Variants in PACRGL observed in about 807,000 individuals in gnomAD.
PACRGL encodes PACRG-like protein.
In PACRGL, 38 loss-of-function variants were observed where a neutral mutation model predicts 34.5. That is an observed-to-expected ratio of 1.10 (90% CI 0.85 to 1.44). PACRGL has a LOEUF of 1.44. Among genes scored for constraint, PACRGL ranks in the 40% most tolerant of loss-of-function variants. The pLI, the probability that PACRGL is intolerant of heterozygous loss-of-function variation, is 0.00. For synonymous variants in PACRGL, 128 were observed against 100.1 expected, an observed-to-expected ratio of 1.28 and a Z score of -1.66; for missense variants, 305 against 281.4, an observed-to-expected ratio of 1.08 and a Z score of -0.60.
rs752030660 is a variant in PACRGL at position 20,712,919 on chromosome 4, T to G, written c.498T>G (p.Ala166=). ...GACTGATTCCTGTGCTAAAGGCAGCTCTGGTATGTCATTTATTTCATTGTA... is the reference window on the plus strand; with the variant it reads ...GACTGATTCCTGTGCTAAAGGCAGCGCTGGTATGTCATTTATTTCATTGTA... The part of the protein sequence containing the change: ...LPRLIPVLKA[A]LVHSDDEVFE... Residue 166 remains alanine (A), a synonymous_variant, in exon 6 of 9, where the codon GCT becomes GCG. Transcript: ENST00000503585. 8.3e-6 allele frequency: 13 copies of G among 1,558,448 alleles called. No homozygotes were observed. In the South Asian group the frequency reaches 1.5e-4, roughly 18 times the overall value.
chr4:20,705,000 G>A (rs553152721), intron 3 of PACRGL, among the ~76,000 whole-genome samples, 186 bp downstream of exon 3: 1 of 152,282 alleles, frequency 6.6e-6, no homozygotes, highest in East Asian at 1.9e-4. Flanking sequence ...GAGTATGGAG[G>A]TAAGGAGACA....
Position 20,725,126 on chromosome 4 carries a change from C to T in PACRGL, c.690+238C>T, listed in dbSNP as rs532620748. Among the ~76,000 whole-genome samples, 26 of 152,264 alleles carry T rather than the reference C, an allele frequency of 1.7e-4. No homozygotes were observed. The East Asian group carries it at 4.1e-3, about 24-fold the overall frequency. ...TAAATATAGGGCTTGTGTACACTTT[C>T]ACAGTGCTTAATGTGGCACTCAGTG... is the stretch of plus-strand genomic sequence containing the variant. On this transcript the variant is annotated intron_variant, in intron 8 of 8. Coordinates refer to ENST00000503585, the MANE Select transcript of PACRGL (RefSeq NM_001258345.3).
chr4:20,714,053 T>A (rs1277931078), intron 7 of PACRGL, among the ~76,000 whole-genome samples: 2 of 152,134 alleles, frequency 1.3e-5, no homozygotes, highest in Non-Finnish European at 2.9e-5. Flanking sequence ...TGGGTATCCT[T>A]GTTAACTTTC....
At position 20,730,561 on chromosome 4, in the gene PACRGL, T is replaced by C. The variant is rs1747820712; in HGVS notation, c.*3220T>C. On this transcript the variant is annotated 3_prime_UTR_variant, in exon 9 of 9. Transcript: ENST00000503585. The stretch of plus-strand genomic sequence containing the variant: ...TGTATGAGCCAGCAGTTCATGAAGA[T>C]TGGAGGCTGGCGCATAGGAGGCAGG... Among the ~76,000 whole-genome samples the C allele has an allele frequency of 6.6e-6, 1 of 151,944 alleles. No individual in the cohort carries two copies. Among genetic ancestry groups the C allele is most frequent in the Non-Finnish European group, 1.5e-5 (1 of 68,016 alleles).
chr4:20,767,225 A>G, the PACRGL span: 5 of 152,184 alleles, frequency 3.3e-5, no homozygotes, highest in African/African-American at 1.2e-4. Context: ...GTATATATGA[A>G]TTACGCTTTC....
chr4:20,731,152 A>G lies in PACRGL; in HGVS notation c.*3811A>G, dbSNP rs1748054685. Among the ~76,000 whole-genome samples the G allele has an allele frequency of 6.6e-6, 1 of 152,104 alleles. No individual in the cohort carries two copies. The highest frequency in any genetic ancestry group is 6.6e-5 in the Admixed American group (1 of 15,260). On this transcript the variant is annotated 3_prime_UTR_variant, in exon 9 of 9. Transcript: ENST00000503585. ...CATTCTGGAGTGCAGTGGCACAATC[A>G]TGGCTCAACAGGGATCAAGTGATCT...
chr4:20,718,008 T>C (rs1407571190), intron 7 of PACRGL, among the ~76,000 whole-genome samples: 8 of 152,072 alleles, frequency 5.3e-5, no homozygotes, highest in South Asian at 2.1e-4. Context: ...TCTTTTATTT[T>C]GTTGAGCAGT....
chr4:20,699,453 T>C (rs1171868066), upstream of PACRGL, among the ~76,000 whole-genome samples: 1 of 152,162 alleles, frequency 6.6e-6, no homozygotes, highest in Non-Finnish European at 1.5e-5. Flanking sequence ...TCAGAAGACA[T>C]TAGTTGAATA....
chr4:20,759,423 T>G, the PACRGL span, among the ~76,000 whole-genome samples: 1 of 152,146 alleles, frequency 6.6e-6, no homozygotes, highest in East Asian at 1.9e-4. Context: ...CAAGTGACCT[T>G]GGGTGAGATA....
chr4:20,748,560 TTATATATATATATATATATATATA>T (rs3075750), intron 8 of PACRGL, among the ~76,000 whole-genome samples: 29 of 64,908 alleles, frequency 4.5e-4, no homozygotes, highest in African/African-American at 1.6e-3. Flanking sequence ...CTTCCAAATT[TTATATATATATATATATATATATA>T]TATATATATA....
intron 8 of PACRGL, among the ~76,000 whole-genome samples, chr4:20,739,448 A>G (rs1750523191): frequency 6.6e-6 from 1 of 152,206 alleles, no homozygotes; most frequent in African/African-American, 2.4e-5. Flanking sequence ...TAACCAGGCA[A>G]ACAGGGTCTG....
chr4:20,696,876 G>A (rs1731265547), upstream of PACRGL, among the ~76,000 whole-genome samples: 2 of 152,180 alleles, frequency 1.3e-5, no homozygotes, highest in African/African-American at 4.8e-5. Context: ...TAACAAGAAT[G>A]TAAAATATCA....
chr4:20,733,794 A>G (rs925923958), downstream of PACRGL, among the ~76,000 whole-genome samples: 1 of 152,184 alleles, frequency 6.6e-6, no homozygotes, highest in African/African-American at 2.4e-5. Flanking sequence ...CCCACTAGTG[A>G]TACCTATTCT....
chr4:20,753,906 G>GTTCATTCATTCA (rs3835144), downstream of PACRGL, among the ~76,000 whole-genome samples: 418 of 151,302 alleles, frequency 2.8e-3, 2 homozygotes, highest in East Asian at 4.3e-3. Context: ...GAGCTCATTT[G>GTTCATTCATTCA]TTCATTCATT....
intron 7 of PACRGL, among the ~76,000 whole-genome samples, chr4:20,720,259 C>G (rs1409761339): frequency 6.6e-6 from 1 of 152,146 alleles, no homozygotes; most frequent in African/African-American, 2.4e-5. Context: ...ATACAGCACA[C>G]TGATGGGTCT....
downstream of PACRGL, among the ~76,000 whole-genome samples, chr4:20,735,619 T>A (rs989546485): frequency 3.6e-5 from 5 of 140,596 alleles, no homozygotes; most frequent in South Asian, 1.3e-3. Flanking sequence ...AACTTCCACC[T>A]CCCACCTCCC....
downstream of PACRGL, among the ~76,000 whole-genome samples, chr4:20,754,352 A>T (rs1754142919): frequency 6.6e-6 from 1 of 152,136 alleles, no homozygotes; most frequent in South Asian, 2.1e-4. Flanking sequence ...AAATGGTGAG[A>T]TGTTGTGATT....
At chr4:20,701,790 A>G in intron 1 of PACRGL, 2 of 451,758 alleles carry the variant, frequency 4.4e-6, no homozygotes, top group Non-Finnish European at 8.9e-6. Context: ...ACCCATGCCA[A>G]AGTCCTCCAG....
intron 8 of PACRGL, among the ~76,000 whole-genome samples, chr4:20,747,212 T>C (rs1752577061): frequency 1.3e-5 from 2 of 152,198 alleles, no homozygotes; most frequent in East Asian, 3.9e-4. Context: ...TAAATTTACA[T>C]ATAAAATTGG....
Sources: gnomAD v4.1 joint callset for allele counts (sites outside exome capture counted in the v4.1 genomes callset) on GRCh38, gnomAD v4.1.1 for gene constraint, MANE v1.5 for transcripts, NCBI Gene and HGNC (gene_info 2026-07-23, HGNC 2026-07-21) for gene names.